METAP1D: variants seen among roughly 807,000 people sequenced by gnomAD.
METAP1D encodes the protein methionine aminopeptidase 1D, mitochondrial.
METAP1D carries 31 observed loss-of-function variants against 40.5 expected under a neutral mutation model. The ratio of observed to expected loss-of-function variants is 0.77; its 90% CI spans 0.58 to 1.03. The LOEUF is 1.03. METAP1D is among the 50% of genes least tolerant of loss of function. METAP1D has a pLI of 0.00. For synonymous variants in METAP1D, 151 were observed against 146.4 expected, an observed-to-expected ratio of 1.03 and a Z score of -0.22; for missense variants, 411 against 420.7, an observed-to-expected ratio of 0.98 and a Z score of 0.20.
At position 172,043,064 on chromosome 2, in the gene METAP1D, T is replaced by C. The variant is rs1380669588; in HGVS notation, c.41-18434T>C. Among the ~76,000 whole-genome samples, 5 of 118,428 alleles carry C rather than the reference T, an allele frequency of 4.2e-5. 1 individual carries two copies. The highest frequency in any genetic ancestry group is 7.9e-5 in the Non-Finnish European group (4 of 50,912). The allele number at this position is 118,428 out of a possible 152,430, so 77.7% of individuals were successfully genotyped here. A position where few individuals can be genotyped will look rare whatever the true frequency, so the allele number is the denominator to read the frequency against. ...ACACGTGTACACATATATGTGTATA[T>C]ATATACGTGTGTGTGTACATATATT... On this transcript the variant is annotated intron_variant, in intron 1 of 9. Transcript: ENST00000315796.
chr2:172,035,884 G>A (rs1254141762), intron 1 of METAP1D, among the ~76,000 whole-genome samples: 1 of 152,060 alleles, frequency 6.6e-6, no homozygotes, highest in Non-Finnish European at 1.5e-5. Context: ...TTGGGCTCAA[G>A]CAGTCCTCCC....
chr2:172,030,260 T>G (rs1574104160), intron 1 of METAP1D, among the ~76,000 whole-genome samples: 1 of 152,056 alleles, frequency 6.6e-6, no homozygotes, highest in East Asian at 1.9e-4. Flanking sequence ...TGGCTAATTT[T>G]TTTTTATTTT....
intron 1 of METAP1D, among the ~76,000 whole-genome samples, chr2:172,013,269 C>T (rs985491482): frequency 6.6e-6 from 1 of 152,230 alleles, no homozygotes. Context: ...GGTCCACCCC[C>T]TCCTGCCTCA....
chr2:172,044,145 A>T (rs1342120331), intron 1 of METAP1D, among the ~76,000 whole-genome samples: 1 of 134,648 alleles, frequency 7.4e-6, no homozygotes, highest in East Asian at 2.0e-4. Flanking sequence ...TTCAATGTAA[A>T]CCCAATTTTG....
At chr2:172,038,358 G>A (rs542567052) in intron 1 of METAP1D, among the ~76,000 whole-genome samples, 2 of 152,086 alleles carry the variant, frequency 1.3e-5, no homozygotes, top group East Asian at 1.9e-4. Flanking sequence ...CTAAGACCAC[G>A]TATTTATCTT....
intron 1 of METAP1D, among the ~76,000 whole-genome samples, chr2:172,043,113 A>ATTTT (rs1267920063): frequency 7.1e-4 from 9 of 12,662 alleles, no homozygotes; most frequent in South Asian, 0.013. Flanking sequence ...ATATATATAT[A>ATTTT]TATATTTTTT....
At chr2:172,019,853 CTTAA>C (rs776252161) in intron 1 of METAP1D, among the ~76,000 whole-genome samples, 3 of 152,062 alleles carry the variant, frequency 2.0e-5, no homozygotes, top group Non-Finnish European at 2.9e-5. Flanking sequence ...GTAACCATCA[CTTAA>C]TTAGTTCATG....
intron 4 of METAP1D, among the ~76,000 whole-genome samples, chr2:172,066,054 T>C (rs552143922): frequency 6.6e-6 from 1 of 152,312 alleles, no homozygotes; most frequent in South Asian, 2.1e-4. Flanking sequence ...TCTTATCAAC[T>C]CTTGTTTTGG....
intron 1 of METAP1D, among the ~76,000 whole-genome samples, chr2:172,009,967 A>G (rs1688672859): frequency 6.6e-6 from 1 of 152,152 alleles, no homozygotes; most frequent in Admixed American, 6.5e-5. Context: ...GCAGGAACAG[A>G]GAACTTAGTA....
chr2:172,025,959 A>G (rs1689111913), intron 1 of METAP1D, among the ~76,000 whole-genome samples: 1 of 152,198 alleles, frequency 6.6e-6, no homozygotes, highest in Non-Finnish European at 1.5e-5. Flanking sequence ...ATTAAAATAT[A>G]AGTACTCTTT....
chr2:172,059,849 G>A (rs1329758049), intron 1 of METAP1D, among the ~76,000 whole-genome samples: 2 of 152,134 alleles, frequency 1.3e-5, no homozygotes, highest in African/African-American at 4.8e-5. Flanking sequence ...AGGAGATTGA[G>A]ACCAGCATGG....
chr2:172,073,927 A>C (rs1398329669), intron 6 of METAP1D, among the ~76,000 whole-genome samples: 1 of 152,232 alleles, frequency 6.6e-6, no homozygotes, highest in Admixed American at 6.5e-5. Context: ...AAACCTTGAG[A>C]TCTCTACAGG....
At chr2:172,015,047 T>C (rs1373421987) in intron 1 of METAP1D, among the ~76,000 whole-genome samples, 5 of 152,248 alleles carry the variant, frequency 3.3e-5, no homozygotes, top group Non-Finnish European at 7.3e-5. Context: ...TTATATTTAA[T>C]GATCAAAATC....
At chr2:172,034,340 CCA>C (rs1689319696) in intron 1 of METAP1D, among the ~76,000 whole-genome samples, 1 of 151,792 alleles carries the variant, frequency 6.6e-6, no homozygotes, top group African/African-American at 2.4e-5. Flanking sequence ...TAGGTAAATC[CCA>C]GATTTGCCAC....
In METAP1D at chr2:172,041,357, G is replaced by A. The variant is rs745328087; in HGVS notation, c.41-20141G>A. 3.7e-4 allele frequency among the ~76,000 whole-genome samples: 48 copies of A among 130,680 alleles called. 9 individuals are homozygous for A. The highest frequency in any genetic ancestry group is 4.6e-4 in the Admixed American group (6 of 13,058). The allele number at this position is 130,680 out of a possible 152,430, so 85.7% of individuals were successfully genotyped here. ...ACCTATAGTCCCAGCTACGTGGGAGGCTGAGGCATAAGAATCGCTTGAATC... is the reference window on the plus strand; with the variant it reads ...ACCTATAGTCCCAGCTACGTGGGAGACTGAGGCATAAGAATCGCTTGAATC... On this transcript the variant is annotated intron_variant, in intron 1 of 9. Coordinates refer to ENST00000315796, the MANE Select transcript of METAP1D (RefSeq NM_199227.3).
chr2:172,017,641 A>G (rs941802084), intron 1 of METAP1D, among the ~76,000 whole-genome samples: 16 of 146,478 alleles, frequency 1.1e-4, no homozygotes, highest in Non-Finnish European at 1.8e-4. Context: ...GATAGTCTTC[A>G]AAGATTAACA....
chr2:172,079,350 C>A, intron 8 of METAP1D, 88 bp downstream of exon 8: 1 of 1,142,126 alleles, frequency 8.8e-7, no homozygotes, highest in Non-Finnish European at 1.3e-6. Context: ...GGTGAAGGAC[C>A]AATAAAGCCA....
chr2:172,023,137 G>A (rs142239976), intron 1 of METAP1D, among the ~76,000 whole-genome samples: 1 of 152,264 alleles, frequency 6.6e-6, no homozygotes, highest in Non-Finnish European at 1.5e-5. Context: ...GCAGTGAGCC[G>A]AGATCATGCC....
chr2:172,080,402 C>A lies in METAP1D; in HGVS notation c.1004C>A (p.Ala335Asp). 1 of 1,613,978 alleles carries A rather than the reference C, an allele frequency of 6.2e-7. No homozygotes were observed. Among genetic ancestry groups the A allele is most frequent in the Non-Finnish European group, 8.5e-7 (1 of 1,179,884 alleles). ...AQILTKLPHE[A>D] Reference sequence around the variant, plus strand: ...ATCCTGACCAAACTACCCCATGAGGCCTGAGGAGCCGCCCGAAGGTCGCGG... The same window carrying A: ...ATCCTGACCAAACTACCCCATGAGGACTGAGGAGCCGCCCGAAGGTCGCGG... Residue 335 changes from alanine to aspartate, a missense_variant, in exon 10 of 10, where the codon GCC becomes GAC. Transcript: ENST00000315796.
Sources: gnomAD v4.1 joint callset for allele counts (sites outside exome capture counted in the v4.1 genomes callset) on GRCh38, gnomAD v4.1.1 for gene constraint, MANE v1.5 for transcripts, NCBI Gene and HGNC (gene_info 2026-07-23, HGNC 2026-07-21) for gene names.